Variants in RAPGEF1 observed in about 807,000 individuals in gnomAD.
RAPGEF1 encodes Rap guanine nucleotide exchange factor 1.
In RAPGEF1, 33 loss-of-function variants were observed where a neutral mutation model predicts 143.3. The ratio of observed to expected loss-of-function variants is 0.23; its 90% CI spans 0.17 to 0.31. RAPGEF1 has a LOEUF of 0.31. Among genes scored for constraint, RAPGEF1 ranks in the 10% least tolerant of loss-of-function variants. RAPGEF1 has a pLI of 1.00. For synonymous variants in RAPGEF1, 629 were observed against 676.5 expected (o/e 0.93, Z 1.09); for missense variants, 1,199 against 1,645.4 (o/e 0.73, Z 4.69).
intron 1 of RAPGEF1, among the ~76,000 whole-genome samples, chr9:131,658,788 T>TTTCA (rs1973196082): frequency 6.6e-6 from 1 of 152,198 alleles, no homozygotes; most frequent in Non-Finnish European, 1.5e-5. Context: ...GATGCCAATA[T>TTTCA]TTCATTCTTA....
chr9:131,593,909 G>A (rs966840082), intron 17 of RAPGEF1, among the ~76,000 whole-genome samples: 16 of 152,242 alleles, frequency 1.1e-4, no homozygotes, highest in African/African-American at 3.4e-4. Flanking sequence ...GCCTTTGCGG[G>A]TGCATCATTG....
At chr9:131,617,015 G>A (rs1014063457) in intron 12 of RAPGEF1, among the ~76,000 whole-genome samples, 3 of 152,146 alleles carry the variant, frequency 2.0e-5, no homozygotes, top group African/African-American at 7.2e-5. Context: ...CAGTGTTTTA[G>A]ACACAAGATG....
chr9:131,592,058 G>A, intron 18 of RAPGEF1, 41 bp downstream of exon 18: 2 of 1,465,890 alleles, frequency 1.4e-6, no homozygotes, highest in East Asian at 2.3e-5. Flanking sequence ...TCTCCAAAAT[G>A]CCCATGGTGC....
intron 5 of RAPGEF1, among the ~76,000 whole-genome samples, chr9:131,632,897 A>G (rs1175244446): frequency 1.3e-5 from 2 of 152,100 alleles, no homozygotes; most frequent in Non-Finnish European, 2.9e-5. Flanking sequence ...TAAACAAGCA[A>G]CCCCGCCCTC....
intron 1 of RAPGEF1, among the ~76,000 whole-genome samples, chr9:131,651,879 A>G (rs1473912946): frequency 6.6e-6 from 1 of 152,258 alleles, no homozygotes; most frequent in Non-Finnish European, 1.5e-5. Context: ...GGAATAGCTC[A>G]TTGCTCTGAG....
intron 1 of RAPGEF1, among the ~76,000 whole-genome samples, chr9:131,711,479 T>C (rs1484328567): frequency 6.6e-6 from 1 of 151,844 alleles, no homozygotes; most frequent in Non-Finnish European, 1.5e-5. Flanking sequence ...TGCCTCAGCC[T>C]CCTGAATAGC....
At chr9:131,680,606 T>C (rs1339099898) in intron 1 of RAPGEF1, among the ~76,000 whole-genome samples, 1 of 152,254 alleles carries the variant, frequency 6.6e-6, no homozygotes, top group Non-Finnish European at 1.5e-5. Flanking sequence ...AAGGACATGC[T>C]CCTGCTGCAG....
rs1028869848 is a variant in RAPGEF1, at chr9:131,655,053, G to A, written c.62-4104C>T. Among the ~76,000 whole-genome samples, 5 of 152,058 alleles carry A rather than the reference G, an allele frequency of 3.3e-5. No homozygotes were observed. Among genetic ancestry groups the A allele is most frequent in the Admixed American group, 6.6e-5 (1 of 15,266 alleles). On this transcript the variant is annotated intron_variant, in intron 1 of 26. Transcript: ENST00000683357. This position sits in a 1 kb window ranked among gnomAD's most constrained non-coding sequence, Gnocchi z 4.1. ...AAACAACCCTCCAAATAAATAGCAC[G>A]GCACCTTGCACTACATGGCTCTCAC...
At chr9:131,700,318 C>A (rs899364082) in intron 1 of RAPGEF1, among the ~76,000 whole-genome samples, 2 of 152,324 alleles carry the variant, frequency 1.3e-5, no homozygotes, top group Admixed American at 1.3e-4. Context: ...CTGCAACACA[C>A]AGGATTCTGC....
intron 16 of RAPGEF1, 32 bp downstream of exon 16, chr9:131,598,167 G>A (rs548512892): frequency 5.1e-6 from 8 of 1,582,900 alleles, no homozygotes; most frequent in Admixed American, 1.7e-5. Context: ...TGTGGGGCCA[G>A]GCTGCAAAGC....
intron 3 of RAPGEF1, among the ~76,000 whole-genome samples, chr9:131,647,779 C>T (rs1052351821): frequency 1.3e-5 from 2 of 152,078 alleles, no homozygotes; most frequent in Admixed American, 6.6e-5. Flanking sequence ...AAAGGGGTAA[C>T]ATTCCTTCTT....
At chr9:131,630,211 G>C in intron 6 of RAPGEF1, 25 bp downstream of exon 6, 2 of 1,606,290 alleles carry the variant, frequency 1.2e-6, no homozygotes, top group Middle Eastern at 1.7e-4. Flanking sequence ...TGACACCCGC[G>C]ACACGAGGGT....
chr9:131,612,252 T>C (rs1463951860), intron 12 of RAPGEF1, among the ~76,000 whole-genome samples: 4 of 152,192 alleles, frequency 2.6e-5, no homozygotes, highest in South Asian at 4.1e-4. Flanking sequence ...CCACCCTGAC[T>C]GAACTCCCAC....
At chr9:131,643,097 G>C (rs900828573) in intron 4 of RAPGEF1, 142 bp downstream of exon 4, 2 of 885,998 alleles carry the variant, frequency 2.3e-6, no homozygotes, top group Non-Finnish European at 3.4e-6. Context: ...GTTGTGGGGG[G>C]AGTGGTCAGG....
intron 1 of RAPGEF1, among the ~76,000 whole-genome samples, chr9:131,720,390 C>CT (rs559237351): frequency 5.8e-4 from 89 of 152,190 alleles, no homozygotes; most frequent in Non-Finnish European, 1.1e-3. Flanking sequence ...CCTCTCCAGA[C>CT]TTTGAGTGGT....
intron 1 of RAPGEF1, among the ~76,000 whole-genome samples, chr9:131,726,397 C>A (rs893046048): frequency 5.9e-5 from 9 of 152,006 alleles, no homozygotes; most frequent in African/African-American, 2.2e-4. Flanking sequence ...GAGGCTGAGG[C>A]GGGCAGATCA....
chr9:131,671,702 C>T (rs374334566), intron 1 of RAPGEF1, among the ~76,000 whole-genome samples: 1 of 152,128 alleles, frequency 6.6e-6, no homozygotes, highest in African/African-American at 2.4e-5. Context: ...GGAACCGAGA[C>T]TGGCAGACGG....
chr9:131,682,453 C>T (rs148796057), intron 1 of RAPGEF1, among the ~76,000 whole-genome samples: 118 of 152,280 alleles, frequency 7.7e-4, no homozygotes, highest in Non-Finnish European at 1.6e-3. Context: ...GGGGAACCTC[C>T]GCAAAAGGTT....
In RAPGEF1 at chr9:131,628,498, G is replaced by A; in HGVS notation, c.1017+51C>T. 1 of 1,596,954 alleles carries A rather than the reference G, an allele frequency of 6.3e-7. No individual in the cohort carries two copies. Among genetic ancestry groups the A allele is most frequent in the Non-Finnish European group, 8.6e-7 (1 of 1,168,862 alleles). ...TCAGCTTCAGGAGCCACATCCCTGA[G>A]CCCCCCACCCCCTCCCTGCCTTCCC... is the stretch of plus-strand genomic sequence containing the variant. On this transcript the variant is annotated intron_variant, in intron 8 of 26. Coordinates refer to ENST00000683357, the MANE Select transcript of RAPGEF1 (RefSeq NM_001377935.1). This position sits in a 1 kb window ranked among gnomAD's most constrained non-coding sequence, Gnocchi z 5.7.
Sources: gnomAD v4.1 joint callset for allele counts (sites outside exome capture counted in the v4.1 genomes callset) on GRCh38, gnomAD v4.1.1 for gene constraint, Gnocchi (gnomAD v3.1) non-coding constraint, MANE v1.5 for transcripts, NCBI Gene and HGNC (gene_info 2026-07-23, HGNC 2026-07-21) for gene names.